Variants in CYP4Z1 observed in about 807,000 individuals in gnomAD.
CYP4Z1 encodes the protein cytochrome P450 4Z1.
Under a neutral mutation model 54.2 loss-of-function variants are expected in CYP4Z1, and 41 were observed. That is an observed-to-expected ratio of 0.76 (90% CI 0.59 to 0.98). The LOEUF (loss-of-function observed/expected upper bound fraction) is 0.98. Among genes scored for constraint, CYP4Z1 ranks in the 50% least tolerant of loss-of-function variants. CYP4Z1 has a pLI of 0.00. For synonymous variants in CYP4Z1, 163 were observed against 206.2 expected (o/e 0.79, Z 1.79); for missense variants, 513 against 599.0 (o/e 0.86, Z 1.50).
intron 8 of CYP4Z1, among the ~76,000 whole-genome samples, chr1:47,104,187 A>G (rs1231095459): frequency 6.6e-6 from 1 of 152,208 alleles, no homozygotes; most frequent in East Asian, 1.9e-4. Flanking sequence ...CATGTGCAGT[A>G]GTGTAATCGC....
the CYP4Z1 span, among the ~76,000 whole-genome samples, chr1:47,057,064 T>C: frequency 1.3e-5 from 2 of 151,980 alleles, no homozygotes; most frequent in Admixed American, 1.3e-4. Flanking sequence ...GTGCCAGTTG[T>C]TCCTTTCCAT....
At chr1:47,100,192 C>T (rs929987177) in intron 8 of CYP4Z1, among the ~76,000 whole-genome samples, 6 of 152,152 alleles carry the variant, frequency 3.9e-5, no homozygotes, top group African/African-American at 1.2e-4. Context: ...AGCTTCTTTT[C>T]GGTCATTTTC....
intron 9 of CYP4Z1, 30 bp downstream of exon 9, chr1:47,106,291 A>T (rs982864365): frequency 3.1e-6 from 5 of 1,589,976 alleles, no homozygotes; most frequent in Non-Finnish European, 4.3e-6. Context: ...TTTTTTTAAC[A>T]ATGCAGCTGT....
At chr1:47,107,578 C>A (rs1159961616) in intron 9 of CYP4Z1, among the ~76,000 whole-genome samples, 1 of 152,150 alleles carries the variant, frequency 6.6e-6, no homozygotes, top group African/African-American at 2.4e-5. Flanking sequence ...TCAACTTTTA[C>A]TACCTTTTCC....
At chr1:47,064,838 G>A (rs1447219959), upstream of CYP4Z1, among the ~76,000 whole-genome samples, 6 of 152,114 alleles carry the variant, frequency 3.9e-5, no homozygotes, top group East Asian at 1.2e-3. Flanking sequence ...ATGAACTTAA[G>A]GTAAGTGGAA....
At chr1:47,097,766 G>C (rs992607408) in intron 7 of CYP4Z1, among the ~76,000 whole-genome samples, 1 of 147,506 alleles carries the variant, frequency 6.8e-6, no homozygotes, top group African/African-American at 2.5e-5. Flanking sequence ...TTGTTTGTTT[G>C]TTTGTTTTCT....
chr1:47,060,108 AT>A, the CYP4Z1 span, among the ~76,000 whole-genome samples: 2 of 151,776 alleles, frequency 1.3e-5, no homozygotes, highest in Non-Finnish European at 3.0e-5. Context: ...ATTCATTTAC[AT>A]TTTTAAATAT....
chr1:47,113,031 C>A (rs1175964115), intron 9 of CYP4Z1, among the ~76,000 whole-genome samples: 1 of 151,988 alleles, frequency 6.6e-6, no homozygotes, highest in Non-Finnish European at 1.5e-5. Flanking sequence ...TACTCTCACT[C>A]TCTGCTTAAA....
intron 2 of CYP4Z1, among the ~76,000 whole-genome samples, chr1:47,079,872 A>G (rs543296223): frequency 4.0e-4 from 54 of 134,730 alleles, no homozygotes; most frequent in African/African-American, 1.2e-3. Context: ...ACAGAGGGAG[A>G]GAGAGAGAGA....
chr1:47,090,486 G>T (rs1042780047), intron 6 of CYP4Z1, among the ~76,000 whole-genome samples: 1 of 152,100 alleles, frequency 6.6e-6, no homozygotes, highest in South Asian at 2.1e-4. Context: ...TTTCCCTTTG[G>T]GGATTTACAA....
At chr1:47,113,301 T>C (rs1165200883) in intron 9 of CYP4Z1, among the ~76,000 whole-genome samples, 1 of 152,222 alleles carries the variant, frequency 6.6e-6, no homozygotes, top group Non-Finnish European at 1.5e-5. Context: ...GATTTCATTA[T>C]ACTCAGCTCA....
chr1:47,092,795 C>A (rs556546896), intron 6 of CYP4Z1, among the ~76,000 whole-genome samples: 32 of 150,842 alleles, frequency 2.1e-4, no homozygotes, highest in Non-Finnish European at 4.3e-4. Context: ...AGCATAACAT[C>A]CCTCCATGGC....
chr1:47,058,698 T>C, the CYP4Z1 span, among the ~76,000 whole-genome samples: 1 of 152,094 alleles, frequency 6.6e-6, no homozygotes, highest in African/African-American at 2.4e-5. Flanking sequence ...TCCTGACTAC[T>C]ACCAATATTT....
At chr1:47,084,473 C>T (rs113098733) in intron 4 of CYP4Z1, 147 bp from the exon 5 acceptor site, 84,450 of 1,070,848 alleles carry the variant, frequency 0.079, 5,955 homozygotes, top group African/African-American at 0.29. Flanking sequence ...CAAGGTGTTT[C>T]ATTTTATATG....
chr1:47,091,793 G>C (rs1644639915), intron 6 of CYP4Z1, among the ~76,000 whole-genome samples: 1 of 149,538 alleles, frequency 6.7e-6, no homozygotes, highest in Admixed American at 6.7e-5. Context: ...ACGATGGTTT[G>C]GAAACACGTG....
In CYP4Z1 at chr1:47,082,334, G is replaced by A. The variant is rs1422159796; in HGVS notation, c.365G>A (p.Gly122Asp). 1.2e-6 allele frequency: 2 copies of A among 1,600,998 alleles called. No homozygotes were observed. Among genetic ancestry groups the A allele is most frequent in the Admixed American group, 3.4e-5 (2 of 58,220 alleles). ...VSHKILESWVGRGLVTLDGSK... is the reference protein window; with the variant it reads ...VSHKILESWVDRGLVTLDGSK... ...ACAGTTGCCCCTCTCATTTCATAAGGTCGAGGACTTGTGACCCTGGATGGT... is the reference window on the plus strand; with the variant it reads ...ACAGTTGCCCCTCTCATTTCATAAGATCGAGGACTTGTGACCCTGGATGGT... Residue 122 changes from glycine (G) to aspartate (D), a missense_variant and splice_region_variant, in exon 4 of 12, where the codon GGT (glycine) becomes GAT (aspartate). Transcript: ENST00000334194.
intron 8 of CYP4Z1, among the ~76,000 whole-genome samples, chr1:47,103,595 C>CTTTTTTTTTTTT (rs373166937): frequency 2.1e-5 from 2 of 96,028 alleles, no homozygotes; most frequent in Non-Finnish European, 4.0e-5. Flanking sequence ...TCTTTTTTTT[C>CTTTTTTTTTTTT]TTTTTTTTTT....
At chr1:47,116,186 A>C (rs1377064961) in intron 10 of CYP4Z1, among the ~76,000 whole-genome samples, 1 of 152,174 alleles carries the variant, frequency 6.6e-6, no homozygotes, top group African/African-American at 2.4e-5. Context: ...CAGAAGCTGA[A>C]CAACTTCAGC....
Position 47,116,693 on chromosome 1 carries a change from T to G in CYP4Z1, c.1310T>G (p.Ile437Arg). 6.2e-7 allele frequency: 1 copy of G among 1,612,168 alleles called. No homozygotes were observed. Among genetic ancestry groups the G allele is most frequent in the Non-Finnish European group, 8.5e-7 (1 of 1,178,836 alleles). Residue 437 changes from isoleucine (I) to arginine (R), a missense_variant, in exon 11 of 12, where the codon ATA becomes AGA. Ile to Arg is a moderately conservative substitution (Grantham distance 97). Coordinates refer to ENST00000334194, the MANE Select transcript of CYP4Z1 (RefSeq NM_178134.3). ...TTCTCCAGGGAAAATTCTGAAAAAA[T>G]ACATCCCTATGCCTTCATACCATTC... is the stretch of plus-strand genomic sequence containing the variant. ...LRFSRENSEK[I>R]HPYAFIPFSA...
Sources: gnomAD v4.1 joint callset for allele counts (sites outside exome capture counted in the v4.1 genomes callset) on GRCh38, gnomAD v4.1.1 for gene constraint, MANE v1.5 for transcripts, NCBI Gene and HGNC (gene_info 2026-07-23, HGNC 2026-07-21) for gene names.